CACNB2: variants seen among roughly 807,000 people sequenced by gnomAD.
CACNB2 encodes the protein voltage-dependent L-type calcium channel subunit beta-2.
Under a neutral mutation model 73.3 loss-of-function variants are expected in CACNB2, and 42 were observed. That is an observed-to-expected ratio of 0.57 (90% confidence interval 0.45 to 0.74). CACNB2 has a LOEUF of 0.74. Ranked by LOEUF, CACNB2 falls within the 30% of genes least tolerant of loss-of-function variation. The pLI is 0.00. For synonymous variants in CACNB2, 348 were observed against 310.3 expected (o/e 1.12, Z -1.28); for missense variants, 940 against 853.0 (o/e 1.10, Z -1.27).
chr10:18,305,319 G>C (rs182942913), intron 2 of CACNB2, among the ~76,000 whole-genome samples: 60 of 152,292 alleles, frequency 3.9e-4, no homozygotes, highest in African/African-American at 1.4e-3. Flanking sequence ...TCAATATTCA[G>C]AGGAAAAGTA....
At chr10:18,361,637 T>A in intron 2 of CACNB2, among the ~76,000 whole-genome samples, 1 of 139,084 alleles carries the variant, frequency 7.2e-6, no homozygotes. Flanking sequence ...TTTCGAAACA[T>A]AGTCTTGCTC....
At chr10:18,358,001 A>G (rs2041992017) in intron 2 of CACNB2, among the ~76,000 whole-genome samples, 1 of 152,206 alleles carries the variant, frequency 6.6e-6, no homozygotes, top group South Asian at 2.1e-4. Flanking sequence ...TCATTGTCGC[A>G]GTGCATGGCA....
intron 11 of CACNB2, among the ~76,000 whole-genome samples, chr10:18,534,433 G>C (rs1201687718): frequency 2.6e-5 from 4 of 152,188 alleles, no homozygotes; most frequent in African/African-American, 9.7e-5. Flanking sequence ...TCCCTGGAGA[G>C]TGTTGAGACA....
At chr10:18,235,540 A>G (rs1288048978) in intron 2 of CACNB2, among the ~76,000 whole-genome samples, 1 of 152,232 alleles carries the variant, frequency 6.6e-6, no homozygotes, top group Non-Finnish European at 1.5e-5. Context: ...AAAACAACAC[A>G]GTTTCCTTTT....
At chr10:18,322,984 A>G (rs2040450972) in intron 2 of CACNB2, among the ~76,000 whole-genome samples, 1 of 125,218 alleles carries the variant, frequency 8.0e-6, no homozygotes, top group East Asian at 2.2e-4. Flanking sequence ...TTTTTTTGAG[A>G]CAGGGTCTTG....
intron 2 of CACNB2, among the ~76,000 whole-genome samples, chr10:18,180,604 G>C (rs923394518): frequency 6.6e-5 from 10 of 152,062 alleles, no homozygotes; most frequent in Non-Finnish European, 1.3e-4. Flanking sequence ...GAGGATTAGG[G>C]ACAGTGTAAA....
intron 2 of CACNB2, among the ~76,000 whole-genome samples, chr10:18,328,567 G>A (rs893314175): frequency 2.6e-5 from 4 of 152,202 alleles, no homozygotes; most frequent in Admixed American, 6.5e-5. Context: ...GTCTACACAG[G>A]CACTTAAAGG....
chr10:18,472,221 CTTTTTT>C lies in CACNB2; in HGVS notation c.334-26106_334-26101del, dbSNP rs200348808. Among the ~76,000 whole-genome samples the C allele has an allele frequency of 2.2e-3, 261 of 119,322 alleles. 1 individual carries two copies. Among genetic ancestry groups the C allele is most frequent in the African/African-American group, 5.9e-3 (182 of 31,026 alleles). 78.3% of individuals were successfully genotyped at this position (119,322 alleles called of 152,430 possible). ...CTTTAATATCCGGCCCACTTTTCTT[CTTTTTT>C]TTTTTTTTTTTTTTTTTTTTTTTTT... On this transcript the variant is annotated intron_variant, in intron 3 of 13. Transcript: ENST00000324631.
intron 3 of CACNB2, among the ~76,000 whole-genome samples, chr10:18,494,673 G>A (rs554423138): frequency 1.3e-5 from 2 of 148,454 alleles, no homozygotes; most frequent in Non-Finnish European, 3.0e-5. Flanking sequence ...ACATCTGAAA[G>A]ATGTGAAAGA....
chr10:18,333,470 A>G (rs1005781181), intron 2 of CACNB2, among the ~76,000 whole-genome samples: 1 of 152,076 alleles, frequency 6.6e-6, no homozygotes, highest in Non-Finnish European at 1.5e-5. Context: ...TAGAGACAAC[A>G]TAGATTGCTA....
intron 2 of CACNB2, among the ~76,000 whole-genome samples, chr10:18,233,291 A>T (rs969580800): frequency 6.6e-6 from 1 of 152,096 alleles, no homozygotes; most frequent in African/African-American, 2.4e-5. Context: ...TCTACAGTTT[A>T]TGCTTGAGGA....
At chr10:18,271,877 G>A (rs1409745512) in intron 2 of CACNB2, among the ~76,000 whole-genome samples, 2 of 151,942 alleles carry the variant, frequency 1.3e-5, no homozygotes, top group African/African-American at 4.8e-5. Flanking sequence ...CTTTTGTGAT[G>A]AGCAGGTCAC....
intron 2 of CACNB2, chr10:18,262,053 G>C (rs950820003): frequency 2.9e-5 from 15 of 518,574 alleles, no homozygotes; most frequent in Non-Finnish European, 5.8e-5. Context: ...CTATTTTCAG[G>C]AAGGGTTGTA....
chr10:18,352,535 G>A (rs1195835533), intron 2 of CACNB2, among the ~76,000 whole-genome samples: 1 of 152,170 alleles, frequency 6.6e-6, no homozygotes, highest in Non-Finnish European at 1.5e-5. Context: ...AAGCATTCCA[G>A]GAGTTCCATT....
At chr10:18,160,134 A>G (rs1279657970) in intron 2 of CACNB2, among the ~76,000 whole-genome samples, 2 of 152,126 alleles carry the variant, frequency 1.3e-5, no homozygotes, top group East Asian at 3.9e-4. Flanking sequence ...TTGCACTTCA[A>G]CATATAATTA....
chr10:18,240,600 G>T (rs897495068), intron 2 of CACNB2, among the ~76,000 whole-genome samples: 1 of 152,192 alleles, frequency 6.6e-6, no homozygotes, highest in South Asian at 2.1e-4. Context: ...TGAAACTTGC[G>T]ATCTTGTCTC....
At chr10:18,457,295 G>A (rs2132650294) in intron 3 of CACNB2, among the ~76,000 whole-genome samples, 1 of 152,044 alleles carries the variant, frequency 6.6e-6, no homozygotes, top group Middle Eastern at 3.4e-3. Flanking sequence ...TCTGTATGTT[G>A]CCTAGGCTGA....
At chr10:18,520,993 G>A (rs2051823567) in intron 9 of CACNB2, among the ~76,000 whole-genome samples, 1 of 152,212 alleles carries the variant, frequency 6.6e-6, no homozygotes, top group Admixed American at 6.5e-5. Context: ...GGCAGGGTTT[G>A]AGAATGTTTT....
intron 2 of CACNB2, among the ~76,000 whole-genome samples, chr10:18,291,265 C>T (rs2039057889): frequency 1.3e-5 from 2 of 152,206 alleles, no homozygotes; most frequent in Non-Finnish European, 2.9e-5. Context: ...ACAAGAGCTC[C>T]CACATGCTCC....
Sources: gnomAD v4.1 joint callset for allele counts (sites outside exome capture counted in the v4.1 genomes callset) on GRCh38, gnomAD v4.1.1 for gene constraint, MANE v1.5 for transcripts, NCBI Gene and HGNC (gene_info 2026-07-23, HGNC 2026-07-21) for gene names.